RIMS1: variants seen among roughly 807,000 people sequenced by gnomAD.
RIMS1 encodes the protein regulating synaptic membrane exocytosis 1.
In RIMS1, 83 loss-of-function variants were observed where a neutral mutation model predicts 214.1. The observed-to-expected ratio is 0.39, with a 90% CI of 0.32 to 0.47. RIMS1 has a LOEUF of 0.47. RIMS1 is among the 20% of genes least tolerant of loss of function. The pLI is 0.99. For synonymous variants in RIMS1, 793 were observed against 786.8 expected (o/e 1.01, Z -0.13); for missense variants, 2,050 against 2,161.8 (o/e 0.95, Z 1.03).
At chr6:72,230,142 C>G (rs1027515299) in intron 6 of RIMS1, among the ~76,000 whole-genome samples, 2 of 151,858 alleles carry the variant, frequency 1.3e-5, no homozygotes, top group South Asian at 4.1e-4. Context: ...GAATGAAAAT[C>G]TATTCTATTA....
intron 4 of RIMS1, among the ~76,000 whole-genome samples, chr6:72,162,598 C>T (rs2045613584): frequency 7.1e-6 from 1 of 140,522 alleles, no homozygotes; most frequent in Admixed American, 7.3e-5. Flanking sequence ...GACAAAATCT[C>T]TCAGCATTTG....
intron 4 of RIMS1, among the ~76,000 whole-genome samples, chr6:72,122,257 T>G (rs1470093704): frequency 1.4e-5 from 2 of 146,090 alleles, no homozygotes; most frequent in Middle Eastern, 3.3e-3. Context: ...CAGGCTGCAC[T>G]GCAGTGGCGC....
intron 1 of RIMS1, among the ~76,000 whole-genome samples, chr6:71,905,980 G>C (rs1562164325): frequency 6.6e-6 from 1 of 152,116 alleles, no homozygotes; most frequent in Non-Finnish European, 1.5e-5. Flanking sequence ...GGGCTATAGG[G>C]ACAAAGTCCC....
intron 29 of RIMS1, among the ~76,000 whole-genome samples, chr6:72,388,128 C>G (rs923619767): frequency 2.0e-5 from 3 of 152,078 alleles, no homozygotes; most frequent in African/African-American, 7.2e-5. Flanking sequence ...GAAAACAGAC[C>G]ACAAACAGAT....
intron 2 of RIMS1, among the ~76,000 whole-genome samples, chr6:72,002,990 T>C (rs1446944931): frequency 1.3e-5 from 2 of 152,218 alleles, no homozygotes. Flanking sequence ...GTCACAGGTA[T>C]GCTTTCTAGC....
chr6:71,992,595 CCTCCTTCTCCTT>C (rs986937818), intron 2 of RIMS1, among the ~76,000 whole-genome samples: 2 of 133,754 alleles, frequency 1.5e-5, no homozygotes, highest in African/African-American at 5.8e-5. Context: ...TCCTTCTCCT[CCTCCTTCTCCTT>C]CTCCTTCTTC....
intron 6 of RIMS1, among the ~76,000 whole-genome samples, chr6:72,215,706 C>T (rs1276212677): frequency 6.6e-6 from 1 of 152,114 alleles, no homozygotes; most frequent in Non-Finnish European, 1.5e-5. Context: ...CTACAGCCAG[C>T]TTTAAGCATA....
chr6:72,145,663 C>T (rs1049286755), intron 4 of RIMS1, among the ~76,000 whole-genome samples: 1 of 152,082 alleles, frequency 6.6e-6, no homozygotes, highest in Admixed American at 6.6e-5. Flanking sequence ...AGGTTAGGAA[C>T]CCCGTATAAA....
At chr6:72,148,419 C>G (rs938890429) in intron 4 of RIMS1, among the ~76,000 whole-genome samples, 1 of 152,126 alleles carries the variant, frequency 6.6e-6, no homozygotes, top group Non-Finnish European at 1.5e-5. Context: ...CTCTTCTATC[C>G]TTATATCCTC....
chr6:72,384,273 A>G (rs1002331137), intron 29 of RIMS1, among the ~76,000 whole-genome samples: 4 of 151,990 alleles, frequency 2.6e-5, no homozygotes, highest in Admixed American at 6.5e-5. Context: ...TCCAAATACT[A>G]CCTCTCAATC....
rs1193496097 is a variant in RIMS1 at position 72,266,019 on chromosome 6, A to T, written c.3368A>T (p.Asp1123Val). ...GCTAGTACCAACTGCTTGAGACCAG[A>T]TACTAGTTTGCATTCACCAGAACGA... The part of the protein sequence containing the change: ...RSASTNCLRP[D>V]TSLHSPERER... The change falls in exon 22 of 34, where the codon GAT becomes GTT. Residue 1123 changes from aspartate (D) to valine (V), a missense_variant. Coordinates refer to ENST00000521978, the MANE Select transcript of RIMS1 (RefSeq NM_014989.7). 6.3e-7 allele frequency: 1 copy of T among 1,584,516 alleles called. No homozygotes were observed. The highest frequency in any genetic ancestry group is 1.8e-5 in the Admixed American group (1 of 56,010).
At chr6:72,092,319 T>TCCTTCCTTCCTTCCTTCCTTCCTTCCTG (rs1836511172) in intron 2 of RIMS1, among the ~76,000 whole-genome samples, 1 of 142,322 alleles carries the variant, frequency 7.0e-6, no homozygotes, top group Non-Finnish European at 1.5e-5. Flanking sequence ...CTTCCTTCCT[T>TCCTTCCTTCCTTCCTTCCTTCCTTCCTG]CCATAATATT....
rs534509699 is a variant in RIMS1, at chr6:72,135,805, C to A, written c.471+35819C>A. On this transcript the variant is annotated intron_variant, in intron 4 of 33. Transcript: ENST00000521978. The stretch of plus-strand genomic sequence containing the variant: ...GCCATTCTGCACATGTGTAAGATGC[C>A]TAAGTGATAAAACAAAGCCAGTCAG... Among the ~76,000 whole-genome samples the A allele has an allele frequency of 3.3e-5, 5 of 152,152 alleles. No homozygotes were observed. In the South Asian group the frequency reaches 1.0e-3, roughly 32 times the overall value.
intron 29 of RIMS1, among the ~76,000 whole-genome samples, chr6:72,337,284 A>G (rs1332375121): frequency 6.6e-6 from 1 of 151,848 alleles, no homozygotes; most frequent in African/African-American, 2.4e-5. Flanking sequence ...TACTAACTGT[A>G]TAATATTCCA....
chr6:72,222,031 T>A (rs1012156602), intron 6 of RIMS1, among the ~76,000 whole-genome samples: 12 of 152,074 alleles, frequency 7.9e-5, no homozygotes, highest in African/African-American at 2.9e-4. Context: ...TCACCTTATG[T>A]CTCAATTGGG....
intron 4 of RIMS1, among the ~76,000 whole-genome samples, chr6:72,111,315 C>T (rs769059797): frequency 1.6e-4 from 25 of 152,056 alleles, no homozygotes; most frequent in African/African-American, 2.9e-4. Flanking sequence ...CACCACCTTC[C>T]GTTAGTAATA....
intron 6 of RIMS1, among the ~76,000 whole-genome samples, chr6:72,185,225 T>G (rs9791376): frequency 0.27 from 40,389 of 151,950 alleles, 6,138 homozygotes; most frequent in Non-Finnish European, 0.34. Flanking sequence ...TGTAACACTG[T>G]GGAAGAGAAC....
At chr6:72,230,860 A>G (rs1398784950) in intron 6 of RIMS1, among the ~76,000 whole-genome samples, 1 of 151,602 alleles carries the variant, frequency 6.6e-6, no homozygotes, top group African/African-American at 2.4e-5. Context: ...GAACTTGGCT[A>G]GTTATGAACT....
intron 2 of RIMS1, among the ~76,000 whole-genome samples, chr6:71,991,249 C>T (rs1355023627): frequency 1.3e-5 from 2 of 151,792 alleles, no homozygotes; most frequent in East Asian, 3.9e-4. Flanking sequence ...ATATGAATCA[C>T]TTGTCTTTTT....
Sources: gnomAD v4.1 joint callset for allele counts (sites outside exome capture counted in the v4.1 genomes callset) on GRCh38, gnomAD v4.1.1 for gene constraint, MANE v1.5 for transcripts, NCBI Gene and HGNC (gene_info 2026-07-23, HGNC 2026-07-21) for gene names.